CDK19: variants seen among roughly 807,000 people sequenced by gnomAD.
CDK19 encodes cyclin dependent kinase 19.
CDK19 carries 20 observed loss-of-function variants against 68.3 expected under a neutral mutation model. The observed-to-expected ratio is 0.29, with a 90% CI of 0.21 to 0.43. The LOEUF is 0.43. Ranked by LOEUF, CDK19 falls within the 20% of genes least tolerant of loss-of-function variation. CDK19 has a pLI of 1.00. For synonymous variants in CDK19, 221 were observed against 222.8 expected, an observed-to-expected ratio of 0.99 and a Z score of 0.07; for missense variants, 339 against 623.5, an observed-to-expected ratio of 0.54 and a Z score of 4.86.
At chr6:110,785,503 A>G (rs1289901814) in intron 1 of CDK19, among the ~76,000 whole-genome samples, 1 of 152,246 alleles carries the variant, frequency 6.6e-6, no homozygotes. Context: ...CATAAGACAG[A>G]CAAAATATAT....
At chr6:110,686,373 A>G (rs1772485822) in intron 2 of CDK19, among the ~76,000 whole-genome samples, 1 of 152,202 alleles carries the variant, frequency 6.6e-6, no homozygotes, top group South Asian at 2.1e-4. Context: ...GCTGGCAGTT[A>G]TTTTCATTAT....
chr6:110,641,540 A>G (rs2114782878), intron 4 of CDK19, among the ~76,000 whole-genome samples: 1 of 148,196 alleles, frequency 6.7e-6, no homozygotes, highest in Non-Finnish European at 1.5e-5. Context: ...TGTTGCAGTG[A>G]GCTGAGATCG....
intron 2 of CDK19, 41 bp downstream of exon 2, chr6:110,746,085 T>C (rs754738585): frequency 1.0e-6 from 1 of 1,000,494 alleles, no homozygotes; most frequent in Non-Finnish European, 1.5e-6. Flanking sequence ...CATCACCCAA[T>C]ATCAATAATA....
At chr6:110,662,118 T>C (rs1781656370) in intron 4 of CDK19, among the ~76,000 whole-genome samples, 1 of 152,100 alleles carries the variant, frequency 6.6e-6, no homozygotes, top group African/African-American at 2.4e-5. Flanking sequence ...TACAGGCATG[T>C]GCCACCACAC....
chr6:110,812,078 G>T (rs1026985791), intron 1 of CDK19, among the ~76,000 whole-genome samples: 1 of 151,330 alleles, frequency 6.6e-6, no homozygotes, highest in Non-Finnish European at 1.5e-5. Flanking sequence ...AAGGAGAGTT[G>T]GGTCAAAAGC....
chr6:110,624,876 T>C (rs1199981185), intron 8 of CDK19, among the ~76,000 whole-genome samples: 1 of 152,190 alleles, frequency 6.6e-6, no homozygotes, highest in East Asian at 1.9e-4. Flanking sequence ...AATTGTGTGA[T>C]CTTGGGCAAG....
chr6:110,658,072 G>T (rs777949477), intron 4 of CDK19, among the ~76,000 whole-genome samples: 2 of 152,180 alleles, frequency 1.3e-5, no homozygotes, highest in Non-Finnish European at 2.9e-5. Context: ...CACATGTAAG[G>T]TGTGTGTCAC....
chr6:110,722,274 T>G (rs1775956986), intron 2 of CDK19: 4 of 152,162 alleles, frequency 2.6e-5, no homozygotes, highest in Admixed American at 2.6e-4. Flanking sequence ...CTTCACAAAT[T>G]TGCATGTCAT....
At chr6:110,812,634 T>TTA (rs2115167523) in intron 1 of CDK19, among the ~76,000 whole-genome samples, 1 of 152,256 alleles carries the variant, frequency 6.6e-6, no homozygotes, top group African/African-American at 2.4e-5. Context: ...ATATACTACA[T>TTA]TATATATACC....
At chr6:110,713,014 T>C (rs918346439) in intron 2 of CDK19, among the ~76,000 whole-genome samples, 1 of 151,664 alleles carries the variant, frequency 6.6e-6, no homozygotes, top group Non-Finnish European at 1.5e-5. Context: ...TTGGCCAACA[T>C]GGTGAAACCC....
At chr6:110,791,026 C>T (rs1219921133) in intron 1 of CDK19, among the ~76,000 whole-genome samples, 1 of 151,988 alleles carries the variant, frequency 6.6e-6, no homozygotes, top group Non-Finnish European at 1.5e-5. Flanking sequence ...AAAAAATTAG[C>T]CGGGCATGGT....
chr6:110,747,607 G>A (rs1562255692), intron 1 of CDK19, among the ~76,000 whole-genome samples: 1 of 152,102 alleles, frequency 6.6e-6, no homozygotes, highest in Non-Finnish European at 1.5e-5. Flanking sequence ...GATATAGGAA[G>A]TTATGTCAAC....
chr6:110,687,344 G>A (rs192249271), intron 2 of CDK19, among the ~76,000 whole-genome samples: 1 of 152,226 alleles, frequency 6.6e-6, no homozygotes, highest in Non-Finnish European at 1.5e-5. Flanking sequence ...TAAATTACCA[G>A]TACCAATGAT....
intron 1 of CDK19, among the ~76,000 whole-genome samples, chr6:110,807,311 G>A (rs1782745802): frequency 6.6e-6 from 1 of 152,110 alleles, no homozygotes; most frequent in African/African-American, 2.4e-5. Context: ...CAGCACACTA[G>A]CATGTCATAT....
chr6:110,745,921 C>T (rs1421748728), intron 2 of CDK19, among the ~76,000 whole-genome samples: 1 of 151,990 alleles, frequency 6.6e-6, no homozygotes, highest in African/African-American at 2.4e-5. Context: ...TGGACTCCAG[C>T]CTGGGCAACA....
intron 4 of CDK19, chr6:110,646,327 C>A (rs1283143359): frequency 6.8e-7 from 1 of 1,476,558 alleles, no homozygotes; most frequent in East Asian, 2.5e-5. Context: ...CGCGAACGGG[C>A]CCACGACGGC....
At chr6:110,633,066 A>G (rs1200842579) in intron 5 of CDK19, among the ~76,000 whole-genome samples, 1 of 151,746 alleles carries the variant, frequency 6.6e-6, no homozygotes, top group Non-Finnish European at 1.5e-5. Flanking sequence ...TAAAAATACA[A>G]AAATTAGCTG....
At chr6:110,790,723 A>G (rs1781531891) in intron 1 of CDK19, among the ~76,000 whole-genome samples, 1 of 152,202 alleles carries the variant, frequency 6.6e-6, no homozygotes, top group Non-Finnish European at 1.5e-5. Context: ...TTTCTACTTT[A>G]GAAAGTTCTC....
rs544459175 is a variant in CDK19, at chr6:110,744,973, G to A, written c.204+1153C>T. 5.9e-5 allele frequency among the ~76,000 whole-genome samples: 9 copies of A among 152,278 alleles called. No homozygotes were observed. The East Asian group carries it at 1.2e-3, about 20-fold the overall frequency. Reference sequence around the variant, plus strand: ...TATATGTAATAGTTATTAAATTAGAGAGAGAAATCCCTAATGGATACGGAC... The same window carrying A: ...TATATGTAATAGTTATTAAATTAGAAAGAGAAATCCCTAATGGATACGGAC... On this transcript the variant is annotated intron_variant, in intron 2 of 12. Transcript: ENST00000368911.
Sources: gnomAD v4.1 joint callset for allele counts (sites outside exome capture counted in the v4.1 genomes callset) on GRCh38, gnomAD v4.1.1 for gene constraint, MANE v1.5 for transcripts, NCBI Gene and HGNC (gene_info 2026-07-23, HGNC 2026-07-21) for gene names.